COL24A1: variants seen among roughly 807,000 people sequenced by gnomAD.
COL24A1 encodes collagen type XXIV alpha 1 chain.
A neutral mutation model predicts 253.9 loss-of-function variants in COL24A1; 224 were observed. The observed-to-expected ratio is 0.88, with a 90% confidence interval of 0.79 to 0.99. The LOEUF (loss-of-function observed/expected upper bound fraction) is 0.99. Among genes scored for constraint, COL24A1 ranks in the 50% least tolerant of loss-of-function variants. The pLI, the probability that COL24A1 is intolerant of heterozygous loss-of-function variation, is 0.00. For synonymous variants in COL24A1, 685 were observed against 673.7 expected, an observed-to-expected ratio of 1.02 and a Z score of -0.26; for missense variants, 2,131 against 2,068.5, an observed-to-expected ratio of 1.03 and a Z score of -0.59.
At chr1:86,058,696 C>T (rs2101742831) in intron 9 of COL24A1, among the ~76,000 whole-genome samples, 1 of 151,864 alleles carries the variant, frequency 6.6e-6, no homozygotes, top group East Asian at 1.9e-4. Context: ...TAACTGAATT[C>T]AGTTCAGATA....
chr1:86,110,966 C>A lies in COL24A1; in HGVS notation c.1599+1601G>T, dbSNP rs554004244. Reference sequence around the variant, plus strand: ...AGTGGGACTGGCGGGCAGCTCCGACCGTTGCCCCTGCATGACATCCGCTAG... The same window carrying A: ...AGTGGGACTGGCGGGCAGCTCCGACAGTTGCCCCTGCATGACATCCGCTAG... On this transcript the variant is annotated intron_variant, in intron 5 of 59. Transcript: ENST00000370571. Among the ~76,000 whole-genome samples the A allele has an allele frequency of 6.6e-5, 10 of 152,306 alleles. 1 individual carries two copies. The South Asian group carries it at 1.9e-3, about 28-fold the overall frequency.
At chr1:85,772,810 T>A (rs1668120976) in intron 53 of COL24A1, among the ~76,000 whole-genome samples, 1 of 152,218 alleles carries the variant, frequency 6.6e-6, no homozygotes, top group Non-Finnish European at 1.5e-5. Flanking sequence ...TTTCTACCAT[T>A]CTGTAGGTTG....
At chr1:86,022,677 T>A in intron 16 of COL24A1, 86 bp from the exon 17 acceptor site, 1 of 1,414,676 alleles carries the variant, frequency 7.1e-7, no homozygotes. Context: ...TGTAGAAGAA[T>A]AATTTCTCTA....
chr1:86,124,983 A>G lies in COL24A1; in HGVS notation c.1353T>C (p.Gly451=), dbSNP rs1648020579. 3.7e-6 allele frequency: 6 copies of G among 1,613,214 alleles called. No individual in the cohort carries two copies. The highest frequency in any genetic ancestry group is 5.1e-6 in the Non-Finnish European group (6 of 1,179,640). The change falls in exon 3 of 60, where the codon GGT becomes GGC. Residue 451 remains glycine, a synonymous_variant. Transcript: ENST00000370571. ...VDNHLDLRKE[G]EFYPDATYPI... Reference sequence around the variant, plus strand: ...GATAAGTAGCATCAGGATAAAATTCACCTTCTTTCCTTAGATCAAGGTGAT... The same window carrying G: ...GATAAGTAGCATCAGGATAAAATTCGCCTTCTTTCCTTAGATCAAGGTGAT...
At chr1:86,059,252 G>A in intron 8 of COL24A1, 78 bp from the exon 9 acceptor site, 3 of 1,034,344 alleles carry the variant, frequency 2.9e-6, no homozygotes, top group Non-Finnish European at 4.2e-6. Flanking sequence ...CACAAGCTTG[G>A]AAATAATTTT....
intron 37 of COL24A1, among the ~76,000 whole-genome samples, chr1:85,863,238 A>G (rs1679368457): frequency 6.6e-6 from 1 of 152,110 alleles, no homozygotes; most frequent in African/African-American, 2.4e-5. Flanking sequence ...GGGTTTTCTA[A>G]ATATACAATC....
At chr1:85,956,000 A>T in intron 24 of COL24A1, among the ~76,000 whole-genome samples, 1 of 152,206 alleles carries the variant, frequency 6.6e-6, no homozygotes, top group Admixed American at 6.5e-5. Context: ...TTAAACATTA[A>T]TTCTCAAGGA....
At chr1:85,986,012 C>A (rs1473853429) in intron 20 of COL24A1, among the ~76,000 whole-genome samples, 1 of 151,750 alleles carries the variant, frequency 6.6e-6, no homozygotes. Context: ...CCATACATCC[C>A]CTTGTCTGCT....
intron 2 of COL24A1, 32 bp from the exon 3 acceptor site, chr1:86,126,246 T>C: frequency 6.5e-7 from 1 of 1,531,894 alleles, no homozygotes; most frequent in Non-Finnish European, 8.7e-7. Flanking sequence ...AGAGAAAGAA[T>C]CTTAATTTTA....
chr1:86,060,243 C>T (rs1700986107), intron 8 of COL24A1, among the ~76,000 whole-genome samples: 1 of 152,006 alleles, frequency 6.6e-6, no homozygotes, highest in Non-Finnish European at 1.5e-5. Context: ...TTCATTTACT[C>T]ATCAGTTTAT....
At position 86,068,511 on chromosome 1, in the gene COL24A1, G is replaced by A. The variant is rs1006345966; in HGVS notation, c.1708-4752C>T. The stretch of plus-strand genomic sequence containing the variant: ...TTACCACCATGGGCTGAAGTACTCT[G>A]GGGTCCTAGGTAAACTTCAAAGGCT... On this transcript the variant is annotated intron_variant, in intron 7 of 59. Transcript: ENST00000370571. 3.3e-5 allele frequency among the ~76,000 whole-genome samples: 5 copies of A among 152,148 alleles called. No homozygotes were observed. In the East Asian group the frequency reaches 9.7e-4, roughly 29 times the overall value.
intron 5 of COL24A1, 44 bp from the exon 6 acceptor site, chr1:86,092,364 A>G (rs771277342): frequency 8.6e-6 from 12 of 1,397,614 alleles, no homozygotes; most frequent in African/African-American, 7.1e-5. Context: ...CATAAGTTGC[A>G]TATAATGTGT....
chr1:85,828,462 A>T (rs1674699500), intron 43 of COL24A1, among the ~76,000 whole-genome samples: 1 of 151,152 alleles, frequency 6.6e-6, no homozygotes. Context: ...AGCTGAGTTG[A>T]ATTCCTGGGT....
At chr1:86,000,174 C>G (rs1317644083) in intron 19 of COL24A1, among the ~76,000 whole-genome samples, 3 of 152,118 alleles carry the variant, frequency 2.0e-5, no homozygotes, top group African/African-American at 7.2e-5. Flanking sequence ...GTAAACCCTT[C>G]CATCTTCTCT....
At chr1:85,986,358 T>C (rs1189289177) in intron 20 of COL24A1, among the ~76,000 whole-genome samples, 2 of 151,928 alleles carry the variant, frequency 1.3e-5, no homozygotes, top group East Asian at 3.9e-4. Context: ...CTCCCCTCTT[T>C]AAACCATCCT....
At position 85,831,712 on chromosome 1, in the gene COL24A1, T is replaced by C. The variant is rs941655191; in HGVS notation, c.3681+6873A>G. On this transcript the variant is annotated intron_variant, in intron 43 of 59. Coordinates refer to ENST00000370571, the MANE Select transcript of COL24A1 (RefSeq NM_152890.7). ...AAGTGATAAGTTCAATCTTGAAGAA[T>C]GAGTGTTCCGGGCAGTAAAGTGAGG... is the stretch of plus-strand genomic sequence containing the variant. 8.2e-4 allele frequency among the ~76,000 whole-genome samples: 124 copies of C among 152,128 alleles called. 1 individual carries two copies. Among genetic ancestry groups the C allele is most frequent in the African/African-American group, 2.6e-3 (109 of 41,540 alleles).
chr1:85,862,297 T>C (rs1679244293), intron 37 of COL24A1, among the ~76,000 whole-genome samples: 1 of 152,134 alleles, frequency 6.6e-6, no homozygotes, highest in Non-Finnish European at 1.5e-5. Context: ...CTCAAAAACT[T>C]CATCGAATTC....
chr1:86,152,773 T>C (rs544105629), intron 1 of COL24A1, among the ~76,000 whole-genome samples: 32 of 152,334 alleles, frequency 2.1e-4, no homozygotes, highest in Admixed American at 1.4e-3. Context: ...CTTAGTAAAG[T>C]TCCTGGCACA....
At chr1:85,916,683 G>A (rs747392240) in intron 24 of COL24A1, among the ~76,000 whole-genome samples, 4 of 151,928 alleles carry the variant, frequency 2.6e-5, no homozygotes, top group African/African-American at 7.3e-5. Flanking sequence ...AAAGAAAAAC[G>A]TACTATTTCA....
Sources: gnomAD v4.1 joint callset for allele counts (sites outside exome capture counted in the v4.1 genomes callset) on GRCh38, gnomAD v4.1.1 for gene constraint, MANE v1.5 for transcripts, NCBI Gene and HGNC (gene_info 2026-07-23, HGNC 2026-07-21) for gene names.